Variants in HIPK2 observed in about 807,000 individuals in gnomAD.
HIPK2 encodes the protein homeodomain interacting protein kinase 2.
Under a neutral mutation model 113.7 loss-of-function variants are expected in HIPK2, and 27 were observed. The ratio of observed to expected loss-of-function variants is 0.24; its 90% CI spans 0.17 to 0.33. HIPK2 has a LOEUF of 0.33. HIPK2 is among the 10% of genes least tolerant of loss of function. HIPK2 has a pLI of 1.00. For synonymous variants in HIPK2, 631 were observed against 642.2 expected (o/e 0.98, Z 0.26); for missense variants, 1,257 against 1,588.0 (o/e 0.79, Z 3.54).
At position 139,683,956 on chromosome 7, in the gene HIPK2, G is replaced by GGTT. The variant is rs751689246; in HGVS notation, c.1103+31975_1103+31976insAAC. 1.5e-5 allele frequency among the ~76,000 whole-genome samples: 1 copy of GGTT among 65,566 alleles called. No individual in the cohort carries two copies. The highest frequency in any genetic ancestry group is 4.3e-5 in the Non-Finnish European group (1 of 23,012). The allele number at this position is 65,566 out of a possible 152,430, so 43.0% of individuals were successfully genotyped here. A position where few individuals can be genotyped will look rare whatever the true frequency, so the allele number is the denominator to read the frequency against. ...CTTGACTGAGCTTTGCAGATACCAT[G>GGTT]ATTTTTTTTTTTTACACAAATTGAA... On this transcript the variant is annotated intron_variant, in intron 2 of 14. Transcript: ENST00000406875. This position sits in a 1 kb window ranked among gnomAD's most constrained non-coding sequence, Gnocchi z 4.2.
At chr7:139,645,930 G>A (rs1449824151) in intron 2 of HIPK2, among the ~76,000 whole-genome samples, 1 of 152,110 alleles carries the variant, frequency 6.6e-6, no homozygotes, top group African/African-American at 2.4e-5. Flanking sequence ...AACAAAATGG[G>A]CATAAACTCC....
intron 13 of HIPK2, among the ~76,000 whole-genome samples, chr7:139,578,717 T>C (rs1162381474): frequency 5.3e-5 from 8 of 152,144 alleles, no homozygotes; most frequent in Admixed American, 5.2e-4. Context: ...GTCGCTCAGG[T>C]TGGAGTGCAG....
chr7:139,574,558 T>C (rs1271523932), intron 14 of HIPK2, among the ~76,000 whole-genome samples: 2 of 152,178 alleles, frequency 1.3e-5, no homozygotes, highest in Non-Finnish European at 2.9e-5. Context: ...CTCACTTTGT[T>C]TCTAGAGAAA....
At chr7:139,609,683 A>G (rs1054499852) in intron 9 of HIPK2, among the ~76,000 whole-genome samples, 2 of 152,190 alleles carry the variant, frequency 1.3e-5, no homozygotes, top group African/African-American at 2.4e-5. Context: ...TGTCCTTTGA[A>G]GGGAATGTTT....
intron 13 of HIPK2, 84 bp from the exon 14 acceptor site, chr7:139,575,372 T>C: frequency 6.3e-6 from 9 of 1,434,384 alleles, no homozygotes; most frequent in Non-Finnish European, 8.4e-6. Flanking sequence ...AACAGTGGTC[T>C]TCCAGGAAGA....
At chr7:139,604,002 C>G (rs979883039) in intron 10 of HIPK2, 79 bp downstream of exon 10, 2 of 1,590,772 alleles carry the variant, frequency 1.3e-6, no homozygotes, top group African/African-American at 1.3e-5. Context: ...TACAGGCCAG[C>G]CTGGCAGCCC....
At position 139,716,714 on chromosome 7, in the gene HIPK2, G is replaced by C. The variant is rs1299161131; in HGVS notation, c.321C>G (p.Val107=). The change falls in exon 2 of 15, where the codon GTC becomes GTG. Residue 107 remains valine, a synonymous_variant. Transcript: ENST00000406875. This position sits in a 1 kb window ranked among gnomAD's most constrained non-coding sequence, Gnocchi z 9.3. ...SASSTSVTGQ[V]LGGPHNLMRR... ...GCATTAGGTTGTGTGGTCCGCCGAG[G>C]ACTTGCCCGGTGACAGAAGTGCTGC... The C allele has an allele frequency of 6.2e-7, 1 of 1,613,954 alleles. No individual in the cohort carries two copies. Among genetic ancestry groups the C allele is most frequent in the Non-Finnish European group, 8.5e-7 (1 of 1,179,880 alleles).
chr7:139,614,027 C>T (rs1468730600), intron 8 of HIPK2, among the ~76,000 whole-genome samples: 1 of 152,186 alleles, frequency 6.6e-6, no homozygotes, highest in Non-Finnish European at 1.5e-5. Context: ...TATTTACAGA[C>T]AGCTGGCCAG....
chr7:139,669,180 C>G (rs1259301496), intron 2 of HIPK2, among the ~76,000 whole-genome samples: 1 of 152,174 alleles, frequency 6.6e-6, no homozygotes, highest in Non-Finnish European at 1.5e-5. Context: ...GGAAGAATCA[C>G]AGAGTCCTCT....
In HIPK2 at chr7:139,630,439, C is replaced by T. The variant is rs111559786; in HGVS notation, c.1347+726G>A. Reference sequence around the variant, plus strand: ...TTGAGACACAGTCTCACTCTGTCGCCCAGGCTGGAGTGCAGTGGCACAATC... The same window carrying T: ...TTGAGACACAGTCTCACTCTGTCGCTCAGGCTGGAGTGCAGTGGCACAATC... On this transcript the variant is annotated intron_variant, in intron 4 of 14. Coordinates refer to ENST00000406875, the MANE Select transcript of HIPK2 (RefSeq NM_022740.5). The surrounding 1 kb of genome is among the most constrained non-coding windows in gnomAD (Gnocchi z 4.0). Among the ~76,000 whole-genome samples, 2 of 152,210 alleles carry T rather than the reference C, an allele frequency of 1.3e-5. No homozygotes were observed.
At chr7:139,680,145 C>T (rs1802647247) in intron 2 of HIPK2, among the ~76,000 whole-genome samples, 1 of 152,158 alleles carries the variant, frequency 6.6e-6, no homozygotes, top group Non-Finnish European at 1.5e-5. Context: ...CAGAATTCAG[C>T]ATAAGTTCAG....
chr7:139,619,188 G>A (rs1800154040), intron 7 of HIPK2, among the ~76,000 whole-genome samples: 1 of 152,170 alleles, frequency 6.6e-6, no homozygotes, highest in Non-Finnish European at 1.5e-5. Context: ...GGGTGGGAAG[G>A]GGAGCGGCTG....
chr7:139,580,990 C>T (rs960470341), intron 13 of HIPK2, among the ~76,000 whole-genome samples: 1 of 152,090 alleles, frequency 6.6e-6, no homozygotes, highest in Non-Finnish European at 1.5e-5. Context: ...GAGGCTGAGG[C>T]GGGTGGATTG....
At chr7:139,656,092 C>A (rs1342517920) in intron 2 of HIPK2, among the ~76,000 whole-genome samples, 1 of 152,072 alleles carries the variant, frequency 6.6e-6, no homozygotes, top group Admixed American at 6.6e-5. Context: ...TCCCATCATT[C>A]TTCTCTCTCC....
At chr7:139,709,226 C>G (rs570686158) in intron 2 of HIPK2, among the ~76,000 whole-genome samples, 38 of 152,256 alleles carry the variant, frequency 2.5e-4, no homozygotes, top group African/African-American at 7.5e-4. Flanking sequence ...TTGAACAGTT[C>G]ACTTCATATC....
chr7:139,758,177 T>A (rs1375234116), intron 1 of HIPK2, among the ~76,000 whole-genome samples: 3 of 152,042 alleles, frequency 2.0e-5, no homozygotes, highest in African/African-American at 4.8e-5. Flanking sequence ...ATAACAAACA[T>A]GGAGAATAGC....
chr7:139,725,480 T>C (rs985930607), intron 1 of HIPK2, among the ~76,000 whole-genome samples: 1 of 152,208 alleles, frequency 6.6e-6, no homozygotes, highest in Non-Finnish European at 1.5e-5. Flanking sequence ...ATAGTGGCAA[T>C]ACAATAACAA....
intron 1 of HIPK2, among the ~76,000 whole-genome samples, chr7:139,776,520 T>G (rs1796753527): frequency 6.6e-6 from 1 of 152,068 alleles, no homozygotes; most frequent in Admixed American, 6.6e-5. Context: ...GAGGATTACA[T>G]TCCCCCCTCG....
chr7:139,676,603 T>C (rs557614147), intron 2 of HIPK2, among the ~76,000 whole-genome samples: 1 of 152,310 alleles, frequency 6.6e-6, no homozygotes, highest in South Asian at 2.1e-4. Flanking sequence ...CAGATCTGTT[T>C]ATTTGGTTCA....
Sources: gnomAD v4.1 joint callset for allele counts (sites outside exome capture counted in the v4.1 genomes callset) on GRCh38, gnomAD v4.1.1 for gene constraint, Gnocchi (gnomAD v3.1) non-coding constraint, MANE v1.5 for transcripts, NCBI Gene and HGNC (gene_info 2026-07-23, HGNC 2026-07-21) for gene names.